Variants in ANK2 observed in about 807,000 individuals in gnomAD.
ANK2 encodes ankyrin-2.
A neutral mutation model predicts 360.5 loss-of-function variants in ANK2; 83 were observed. The ratio of observed to expected loss-of-function variants is 0.23; its 90% confidence interval spans 0.19 to 0.28. ANK2 has a LOEUF of 0.28. ANK2 is among the 10% of genes least tolerant of loss of function. The probability of loss-of-function intolerance (pLI) is 1.00; values close to 1 mark genes in which losing one functional copy is unlikely to be tolerated. For missense variants in ANK2, 4,201 were observed against 4,795.7 expected (o/e 0.88, Z 3.66); for synonymous variants, 1,740 against 1,759.5 (o/e 0.99, Z 0.28).
the ANK2 span, among the ~76,000 whole-genome samples, chr4:112,772,407 A>T: frequency 1.1e-4 from 16 of 152,352 alleles, no homozygotes; most frequent in East Asian, 3.1e-3. Context: ...ACACGTGGGA[A>T]CTATGGGAAC....
intron 1 of ANK2, among the ~76,000 whole-genome samples, chr4:112,890,202 T>C (rs1441547428): frequency 6.6e-6 from 1 of 152,188 alleles, no homozygotes; most frequent in Admixed American, 6.5e-5. Flanking sequence ...TTGCCAAATA[T>C]TTTTGTTCTT....
chr4:113,378,005 T>C, intron 45 of ANK2: 1 of 511,656 alleles, frequency 2.0e-6, no homozygotes, highest in Non-Finnish European at 3.0e-6. Context: ...CTTTTCATAC[T>C]GACTATGAGT....
the ANK2 span, among the ~76,000 whole-genome samples, chr4:112,759,668 T>G: frequency 1.3e-5 from 2 of 152,166 alleles, no homozygotes; most frequent in Non-Finnish European, 2.9e-5. Context: ...ATTTTCTGAT[T>G]TTGATTTGCT....
chr4:112,722,599 G>A, the ANK2 span, among the ~76,000 whole-genome samples: 1 of 152,150 alleles, frequency 6.6e-6, no homozygotes, highest in Admixed American at 6.5e-5. Flanking sequence ...CTGGTCATGG[G>A]ATGGCTGCCA....
At chr4:112,948,415 A>T (rs1312650597) in intron 2 of ANK2, among the ~76,000 whole-genome samples, 3 of 152,062 alleles carry the variant, frequency 2.0e-5, no homozygotes, top group Non-Finnish European at 2.9e-5. Context: ...ATGTTTGGAT[A>T]ATGAAAAGTA....
the ANK2 span, among the ~76,000 whole-genome samples, chr4:112,726,706 C>G: frequency 6.6e-6 from 1 of 151,722 alleles, no homozygotes; most frequent in African/African-American, 2.4e-5. Flanking sequence ...AAAAAATTAG[C>G]CGGGTGTAGT....
intron 1 of ANK2, among the ~76,000 whole-genome samples, chr4:113,169,525 G>C (rs2097866037): frequency 6.6e-6 from 1 of 152,102 alleles, no homozygotes; most frequent in South Asian, 2.1e-4. Flanking sequence ...ATTCCACAAG[G>C]AGCCTGTGCT....
chr4:112,951,081 CAAA>C (rs1184265938), intron 2 of ANK2, among the ~76,000 whole-genome samples: 5 of 55,942 alleles, frequency 8.9e-5, no homozygotes, highest in African/African-American at 1.3e-4. Context: ...GCCTCCGTCT[CAAA>C]AAAAAAAAAA....
chr4:112,760,284 T>C, the ANK2 span, among the ~76,000 whole-genome samples: 2 of 151,918 alleles, frequency 1.3e-5, no homozygotes, highest in Admixed American at 1.3e-4. Context: ...CCTCTCGGGT[T>C]CCCGCCATTT....
chr4:112,857,265 T>C (rs2066674170), intron 1 of ANK2, among the ~76,000 whole-genome samples: 1 of 152,182 alleles, frequency 6.6e-6, no homozygotes, highest in Non-Finnish European at 1.5e-5. Context: ...GCCATGTGGA[T>C]GAAATTCAGT....
Position 113,115,506 on chromosome 4 carries a change from CT to C in ANK2, c.85-58907del, listed in dbSNP as rs2094676767. Among the ~76,000 whole-genome samples, 11 of 152,258 alleles carry C rather than the reference CT, an allele frequency of 7.2e-5. No homozygotes were observed. In the South Asian group the frequency reaches 2.1e-3, roughly 29 times the overall value. ...CCATGGTGATTACTGTTTTCTTTGA[CT>C]TTCGAATCAGATTAAGTGCTAGGTT... is the stretch of plus-strand genomic sequence containing the variant. On this transcript the variant is annotated intron_variant, in intron 1 of 45. Coordinates refer to ENST00000357077, the MANE Select transcript of ANK2 (RefSeq NM_001148.6).
rs116348389 is a variant in ANK2, at chr4:112,869,639, A to T, written c.-39-34816A>T. 8.3e-3 allele frequency among the ~76,000 whole-genome samples: 1,258 copies of T among 152,248 alleles called. 22 individuals carry two copies. Among genetic ancestry groups the T allele is most frequent in the African/African-American group, 0.028 (1,173 of 41,542 alleles). ...AAATTTTTAATATTAACAAAGCCCA[A>T]TGTATTTATTTTTCTTTTGTTGCTT... On this transcript the variant is annotated intron_variant, in intron 1 of 30. Coordinates refer to the ANK2 transcript ENST00000503271.
upstream of ANK2, among the ~76,000 whole-genome samples, chr4:113,045,611 ACT>A: frequency 6.6e-6 from 1 of 152,186 alleles, no homozygotes; most frequent in East Asian, 1.9e-4. Context: ...ATATGCTGGC[ACT>A]CTTATAGGTA....
chr4:113,374,684 T>C (rs1301687509), intron 45 of ANK2: 1 of 927,834 alleles, frequency 1.1e-6, no homozygotes, highest in Non-Finnish European at 1.3e-6. Context: ...TTTTGTCCTT[T>C]GTTTTTTAAC....
intron 1 of ANK2, among the ~76,000 whole-genome samples, chr4:112,867,977 A>G (rs758291351): frequency 5.9e-5 from 9 of 152,180 alleles, no homozygotes; most frequent in Non-Finnish European, 8.8e-5. Flanking sequence ...AAGAACTGCT[A>G]GACTGTTTTC....
chr4:112,752,098 A>G, the ANK2 span, among the ~76,000 whole-genome samples: 5 of 152,212 alleles, frequency 3.3e-5, no homozygotes, highest in Non-Finnish European at 7.3e-5. Context: ...CCTAGAAATT[A>G]GAGGTTTTTT....
At chr4:113,001,331 C>CAAAA (rs11310852) in intron 2 of ANK2, among the ~76,000 whole-genome samples, 11 of 84,210 alleles carry the variant, frequency 1.3e-4, no homozygotes, top group African/African-American at 2.7e-4. Context: ...AACTCTGTCT[C>CAAAA]AAAAAAAAAA....
At chr4:112,707,346 T>G in the ANK2 span, among the ~76,000 whole-genome samples, 1 of 152,204 alleles carries the variant, frequency 6.6e-6, no homozygotes, top group Non-Finnish European at 1.5e-5. Flanking sequence ...GGACAACCTT[T>G]GTTTATGGGC....
chr4:113,177,270 C>T (rs1055449229), intron 2 of ANK2, among the ~76,000 whole-genome samples: 19 of 151,706 alleles, frequency 1.3e-4, no homozygotes, highest in African/African-American at 2.9e-4. Flanking sequence ...TTAGTAGAGA[C>T]GGGGTTTCAC....
Sources: gnomAD v4.1 joint callset for allele counts (sites outside exome capture counted in the v4.1 genomes callset) on GRCh38, gnomAD v4.1.1 for gene constraint, MANE v1.5 for transcripts, NCBI Gene and HGNC (gene_info 2026-07-23, HGNC 2026-07-21) for gene names.